ITGA9: variants seen among roughly 807,000 people sequenced by gnomAD.
ITGA9 encodes integrin alpha-9.
In ITGA9, 56 loss-of-function variants were observed where a neutral mutation model predicts 127.8. That is an observed-to-expected ratio of 0.44 (90% CI 0.35 to 0.55). The LOEUF is 0.55. Ranked by LOEUF, ITGA9 falls within the 20% of genes least tolerant of loss-of-function variation. The pLI is 0.00. For synonymous variants in ITGA9, 508 were observed against 514.5 expected, an observed-to-expected ratio of 0.99 and a Z score of 0.17; for missense variants, 1,196 against 1,347.1, an observed-to-expected ratio of 0.89 and a Z score of 1.76.
At chr3:37,488,077 T>A (rs1224517175) in intron 4 of ITGA9, among the ~76,000 whole-genome samples, 2 of 152,228 alleles carry the variant, frequency 1.3e-5, no homozygotes, top group Non-Finnish European at 2.9e-5. Context: ...TGTCTGTCCA[T>A]GCTTTGGTGC....
chr3:37,539,886 G>T (rs1699248668), intron 14 of ITGA9, among the ~76,000 whole-genome samples: 1 of 152,160 alleles, frequency 6.6e-6, no homozygotes, highest in African/African-American at 2.4e-5. Flanking sequence ...CACATCAAGG[G>T]GCAAGGGAGC....
At chr3:37,626,597 T>A (rs961261437) in intron 15 of ITGA9, among the ~76,000 whole-genome samples, 8 of 152,246 alleles carry the variant, frequency 5.3e-5, no homozygotes, top group Non-Finnish European at 8.8e-5. Context: ...GGCAGGAAGA[T>A]TGCTTGAGCT....
chr3:37,475,434 G>T (rs1323200770), intron 3 of ITGA9, among the ~76,000 whole-genome samples: 1 of 152,208 alleles, frequency 6.6e-6, no homozygotes, highest in Non-Finnish European at 1.5e-5. Flanking sequence ...ACAGAATTCT[G>T]TGTTACCACA....
rs6550505 is a variant in ITGA9 at position 37,746,337 on chromosome 3, T to C, written c.2433+2303T>C. Among the ~76,000 whole-genome samples, 1,125 of 152,340 alleles carry C rather than the reference T, an allele frequency of 7.4e-3. 21 individuals are homozygous for C. Among genetic ancestry groups the C allele is most frequent in the African/African-American group, 0.025 (1,056 of 41,570 alleles). On this transcript the variant is annotated intron_variant, in intron 22 of 27. Coordinates refer to ENST00000264741, the MANE Select transcript of ITGA9 (RefSeq NM_002207.3). Reference sequence around the variant, plus strand: ...CACAGGAGAAAGGCAGAAATACTAGTCTTGGGCCTGCTTTTTACATTTCAT... The same window carrying C: ...CACAGGAGAAAGGCAGAAATACTAGCCTTGGGCCTGCTTTTTACATTTCAT...
At chr3:37,644,936 G>A (rs1026785913) in intron 16 of ITGA9, among the ~76,000 whole-genome samples, 1 of 152,116 alleles carries the variant, frequency 6.6e-6, no homozygotes, top group Non-Finnish European at 1.5e-5. Flanking sequence ...TCCTTCCTTC[G>A]TTTAGGCATG....
intron 15 of ITGA9, among the ~76,000 whole-genome samples, chr3:37,592,153 T>A (rs1339791684): frequency 6.6e-6 from 1 of 152,172 alleles, no homozygotes; most frequent in African/African-American, 2.4e-5. Context: ...ACACCAGTTT[T>A]TTACTTAAAC....
chr3:37,542,091 A>T (rs1238551609), intron 14 of ITGA9, among the ~76,000 whole-genome samples: 1 of 152,188 alleles, frequency 6.6e-6, no homozygotes, highest in Non-Finnish European at 1.5e-5. Flanking sequence ...TTGTCAGGAC[A>T]CTAACCTGTG....
intron 26 of ITGA9, among the ~76,000 whole-genome samples, chr3:37,801,602 C>T (rs1204512005): frequency 6.6e-6 from 1 of 152,174 alleles, no homozygotes; most frequent in Admixed American, 6.5e-5. Context: ...CACCACTGCA[C>T]TCCACCTGGG....
intron 18 of ITGA9, among the ~76,000 whole-genome samples, chr3:37,730,258 A>C (rs916227713): frequency 6.6e-6 from 1 of 152,194 alleles, no homozygotes; most frequent in Non-Finnish European, 1.5e-5. Flanking sequence ...TCCCCAGGAA[A>C]CCAAGAGAAC....
intron 7 of ITGA9, 23 bp from the exon 8 acceptor site, chr3:37,508,536 A>ATTT: frequency 1.7e-6 from 2 of 1,203,104 alleles, no homozygotes; most frequent in Non-Finnish European, 2.3e-6. Context: ...TCCTAACTAG[A>ATTT]TTTTTTTTTT....
chr3:37,640,149 G>A (rs1575177067), intron 16 of ITGA9, among the ~76,000 whole-genome samples: 1 of 152,286 alleles, frequency 6.6e-6, no homozygotes, highest in East Asian at 1.9e-4. Context: ...ATTTGGATAC[G>A]TTACATGGCA....
chr3:37,559,006 G>C (rs1699459374), intron 15 of ITGA9, among the ~76,000 whole-genome samples: 1 of 152,158 alleles, frequency 6.6e-6, no homozygotes, highest in African/African-American at 2.4e-5. Flanking sequence ...TTGGATATTT[G>C]TGTTTTATCT....
intron 15 of ITGA9, among the ~76,000 whole-genome samples, chr3:37,613,967 A>G (rs947502122): frequency 6.6e-5 from 10 of 152,170 alleles, no homozygotes; most frequent in African/African-American, 2.4e-4. Context: ...TCTTTAGTTC[A>G]ATTAGATCCC....
chr3:37,620,990 T>C (rs569104144), intron 15 of ITGA9, among the ~76,000 whole-genome samples: 50 of 152,346 alleles, frequency 3.3e-4, no homozygotes, highest in African/African-American at 1.2e-3. Context: ...ATGGTTTGGC[T>C]GTGTCCCCAC....
chr3:37,654,390 G>A (rs1700458309), intron 17 of ITGA9, among the ~76,000 whole-genome samples: 1 of 152,158 alleles, frequency 6.6e-6, no homozygotes, highest in African/African-American at 2.4e-5. Flanking sequence ...CCGTACAGCG[G>A]CCTTCTGTTT....
rs1051397700 is a variant in ITGA9, at chr3:37,822,185, A to C, written c.*3196A>C. ...AATCCTATAAGATATTCTCCTGAGC[A>C]GTATTATTTCAGTTTCCTTCAGCTT... On this transcript the variant is annotated 3_prime_UTR_variant, in exon 28 of 28. Coordinates refer to ENST00000264741, the MANE Select transcript of ITGA9 (RefSeq NM_002207.3). 7 of 152,192 alleles carry C rather than the reference A, an allele frequency of 4.6e-5. No individual in the cohort carries two copies. The highest frequency in any genetic ancestry group is 1.7e-4 in the African/African-American group (7 of 41,434). The allele number at this position is 152,192 out of a possible 1,614,324, so 9.4% of individuals were successfully genotyped here. A position where few individuals can be genotyped will look rare whatever the true frequency, so the allele number is the denominator to read the frequency against.
At chr3:37,807,638 T>G (rs1697314557) in intron 27 of ITGA9, 1 of 152,682 alleles carries the variant, frequency 6.5e-6, no homozygotes, top group African/African-American at 2.4e-5. Context: ...TCCCAGTGCT[T>G]TGGGAGGCCA....
chr3:37,607,003 G>T (rs1699975449), intron 15 of ITGA9, among the ~76,000 whole-genome samples: 1 of 146,066 alleles, frequency 6.8e-6, no homozygotes. Context: ...TAAAGAGATA[G>T]GGTTTTACTC....
At chr3:37,795,017 C>G (rs570993727) in intron 26 of ITGA9, among the ~76,000 whole-genome samples, 6 of 152,226 alleles carry the variant, frequency 3.9e-5, no homozygotes, top group Non-Finnish European at 7.3e-5. Context: ...CTCCCTCCCC[C>G]ACACCTGCAC....
Sources: allele counts gnomAD v4.1 joint callset (sites outside exome capture counted in the v4.1 genomes callset), GRCh38; gene constraint gnomAD v4.1.1; transcripts MANE v1.5; gene names NCBI Gene and HGNC (gene_info 2026-07-23, HGNC 2026-07-21).